The following CSMD2 variants were observed in gnomAD, a reference collection of about 807,000 sequenced individuals.
CSMD2 encodes CUB and Sushi multiple domains 2.
Under a neutral mutation model 398.5 loss-of-function variants are expected in CSMD2, and 130 were observed. That is an observed-to-expected ratio of 0.33 (90% confidence interval 0.28 to 0.38). The LOEUF is 0.38. Ranked by LOEUF, CSMD2 falls within the 10% of genes least tolerant of loss-of-function variation. CSMD2 has a pLI of 1.00. For missense variants in CSMD2, 3,829 were observed against 4,764.9 expected (o/e 0.80, Z 5.78); for synonymous variants, 1,828 against 1,908.5 (o/e 0.96, Z 1.10).
chr1:34,014,820 A>C (rs1212664677), intron 3 of CSMD2, among the ~76,000 whole-genome samples: 1 of 152,224 alleles, frequency 6.6e-6, no homozygotes, highest in African/African-American at 2.4e-5. Flanking sequence ...TAACCTTTAT[A>C]GTGTTTGAGG....
chr1:33,734,144 TGAG>T (rs1646808772), intron 15 of CSMD2, among the ~76,000 whole-genome samples: 1 of 152,350 alleles, frequency 6.6e-6, no homozygotes, highest in East Asian at 1.9e-4. Flanking sequence ...TTTGTGGTCA[TGAG>T]GAGAACTGAC....
intron 1 of CSMD2, among the ~76,000 whole-genome samples, chr1:34,114,315 GTTGT>G (rs1192962761): frequency 1.5e-5 from 2 of 130,002 alleles, no homozygotes; most frequent in African/African-American, 5.6e-5. Context: ...TGTTGTTGTT[GTTGT>G]TTTTCAAATG....
In CSMD2 at chr1:34,140,540, G is replaced by A. The variant is rs565179018; in HGVS notation, c.187+24371C>T. On this transcript the variant is annotated intron_variant, in intron 1 of 70. Coordinates refer to ENST00000373381, the MANE Select transcript of CSMD2 (RefSeq NM_001281956.2). Reference sequence around the variant, plus strand: ...GGTCCCATCACCTTGGCAACCACGAGGGAGTACCAGGCCAGGCCTAGGTAA... The same window carrying A: ...GGTCCCATCACCTTGGCAACCACGAAGGAGTACCAGGCCAGGCCTAGGTAA... Among the ~76,000 whole-genome samples, 12 of 152,320 alleles carry A rather than the reference G, an allele frequency of 7.9e-5. 1 individual carries two copies. Among genetic ancestry groups the A allele is most frequent in the Admixed American group, 5.2e-4 (8 of 15,298 alleles).
intron 19 of CSMD2, among the ~76,000 whole-genome samples, chr1:33,721,408 G>A (rs1023320397): frequency 6.6e-6 from 1 of 152,106 alleles, no homozygotes; most frequent in Admixed American, 6.5e-5. Context: ...GAGCTTGATT[G>A]ACTTCCAGGA....
intron 1 of CSMD2, among the ~76,000 whole-genome samples, chr1:34,112,789 A>T (rs1027757100): frequency 9.8e-4 from 149 of 152,220 alleles, no homozygotes; most frequent in African/African-American, 3.5e-3. Flanking sequence ...TAGCATGGGG[A>T]TATAGAAAGA....
chr1:34,029,497 A>G (rs1570873259), intron 3 of CSMD2, among the ~76,000 whole-genome samples: 1 of 152,134 alleles, frequency 6.6e-6, no homozygotes, highest in Non-Finnish European at 1.5e-5. Flanking sequence ...CATGCCTCCC[A>G]CCTTCCATCC....
intron 2 of CSMD2, among the ~76,000 whole-genome samples, chr1:34,058,682 A>C (rs1389374008): frequency 6.6e-6 from 1 of 152,140 alleles, no homozygotes; most frequent in East Asian, 1.9e-4. Context: ...TGAGGGTCTG[A>C]GTGCCCACTG....
chr1:34,076,553 C>A (rs115914149), intron 2 of CSMD2, among the ~76,000 whole-genome samples: 2,698 of 152,260 alleles, frequency 0.018, 44 homozygotes, highest in East Asian at 0.053. Context: ...GGCCAAATGT[C>A]CCCTGGGGGA....
At chr1:33,583,608 C>T (rs777951889) in intron 47 of CSMD2, 34 bp downstream of exon 47, 3 of 1,597,750 alleles carry the variant, frequency 1.9e-6, no homozygotes, top group Non-Finnish European at 1.7e-6. Context: ...ATGTCTTCTG[C>T]AGCAGAGAAC....
At chr1:34,123,423 C>T (rs927852971) in intron 1 of CSMD2, among the ~76,000 whole-genome samples, 1 of 152,144 alleles carries the variant, frequency 6.6e-6, no homozygotes, top group Admixed American at 6.5e-5. Context: ...CTTCATCTAA[C>T]GTTCATCTGT....
At chr1:33,830,711 C>T (rs1457702181) in intron 6 of CSMD2, among the ~76,000 whole-genome samples, 1 of 152,198 alleles carries the variant, frequency 6.6e-6, no homozygotes, top group Admixed American at 6.5e-5. Flanking sequence ...TCAAACTACT[C>T]TGAGCTACAA....
At chr1:33,742,577 G>GCCC (rs143715572) in intron 14 of CSMD2, among the ~76,000 whole-genome samples, 17 of 94,960 alleles carry the variant, frequency 1.8e-4, no homozygotes, top group African/African-American at 4.1e-4. Flanking sequence ...CCAAGCTTCT[G>GCCC]CCCCCCCCCC....
chr1:33,529,742 A>C (rs1655081256), intron 64 of CSMD2, among the ~76,000 whole-genome samples: 1 of 152,368 alleles, frequency 6.6e-6, no homozygotes, highest in Middle Eastern at 3.4e-3. Flanking sequence ...CTTAGATATG[A>C]CAACAAAAGC....
intron 25 of CSMD2, among the ~76,000 whole-genome samples, chr1:33,669,436 C>T (rs752575848): frequency 2.1e-4 from 32 of 152,232 alleles, no homozygotes; most frequent in Non-Finnish European, 4.4e-4. Flanking sequence ...AACCACTCCT[C>T]TGACCCAGTC....
At chr1:34,010,619 T>C (rs893313475) in intron 3 of CSMD2, among the ~76,000 whole-genome samples, 13 of 151,410 alleles carry the variant, frequency 8.6e-5, no homozygotes, top group African/African-American at 2.4e-4. Context: ...TTTTTTTTTC[T>C]TTTTTTTCTT....
intron 13 of CSMD2, among the ~76,000 whole-genome samples, chr1:33,766,824 G>A (rs755101988): frequency 6.6e-6 from 1 of 152,236 alleles, no homozygotes; most frequent in East Asian, 1.9e-4. Context: ...AGATAAACAT[G>A]AAATAGAGGC....
chr1:34,125,728 G>A (rs555758569), intron 1 of CSMD2, among the ~76,000 whole-genome samples: 1 of 152,262 alleles, frequency 6.6e-6, no homozygotes, highest in East Asian at 1.9e-4. Flanking sequence ...CTGTCAGCAG[G>A]AAGAATGTAA....
At chr1:33,792,617 C>T in intron 10 of CSMD2, 91 bp from the exon 11 acceptor site, 1 of 823,018 alleles carries the variant, frequency 1.2e-6, no homozygotes, top group Middle Eastern at 2.2e-4. Flanking sequence ...TGTGTTATGT[C>T]CCAATGCTCA....
At chr1:34,109,214 T>C (rs1006650680) in intron 1 of CSMD2, among the ~76,000 whole-genome samples, 2 of 152,226 alleles carry the variant, frequency 1.3e-5, no homozygotes, top group African/African-American at 4.8e-5. Context: ...TTTCCCAATC[T>C]TCAGCAGACG....
Sources: allele counts gnomAD v4.1 joint callset (sites outside exome capture counted in the v4.1 genomes callset), GRCh38; gene constraint gnomAD v4.1.1; transcripts MANE v1.5; gene names NCBI Gene and HGNC (gene_info 2026-07-23, HGNC 2026-07-21).